The following CD5 variants were observed in gnomAD, a reference collection of about 807,000 sequenced individuals.
The protein encoded by CD5 is T-cell surface glycoprotein CD5.
A neutral mutation model predicts 60.3 loss-of-function variants in CD5; 36 were observed. The ratio of observed to expected loss-of-function variants is 0.60; its 90% CI spans 0.46 to 0.79. The LOEUF is 0.79. Among genes scored for constraint, CD5 ranks in the 30% least tolerant of loss-of-function variants. CD5 has a pLI of 0.00. For synonymous variants in CD5, 230 were observed against 257.6 expected (o/e 0.89, Z 1.03); for missense variants, 540 against 630.6 (o/e 0.86, Z 1.54).
intron 5 of CD5, among the ~76,000 whole-genome samples, chr11:61,120,021 T>G: frequency 6.6e-6 from 1 of 151,150 alleles, no homozygotes; most frequent in East Asian, 1.9e-4. Flanking sequence ...AGGTGGGAGG[T>G]CCCTGAGGCC....
At chr11:61,114,976 C>T (rs949041756) in intron 1 of CD5, 80 bp from the exon 2 acceptor site, 16 of 1,384,192 alleles carry the variant, frequency 1.2e-5, no homozygotes, top group Middle Eastern at 1.8e-4. Context: ...GGCCATTGCT[C>T]GGGCTGTGGG....
Position 61,123,518 on chromosome 11 carries a change from A to T in CD5, c.1226-366A>T, listed in dbSNP as rs140878472. Among the ~76,000 whole-genome samples the T allele has an allele frequency of 1.0e-3, 157 of 152,296 alleles. 1 individual carries two copies. Among genetic ancestry groups the T allele is most frequent in the Middle Eastern group, 0.01 (3 of 294 alleles). ...CTTGCCTTGCAGAACTTAAGAGGAAATTATTCAGACAAAGAAGTGAGAGGG... is the reference window on the plus strand; with the variant it reads ...CTTGCCTTGCAGAACTTAAGAGGAATTTATTCAGACAAAGAAGTGAGAGGG... On this transcript the variant is annotated intron_variant, in intron 7 of 10. Coordinates refer to ENST00000347785, the MANE Select transcript of CD5 (RefSeq NM_014207.4).
upstream of CD5, chr11:61,102,468 G>A (rs1315402749): frequency 2.5e-5 from 5 of 201,840 alleles, no homozygotes; most frequent in Admixed American, 1.2e-4. Flanking sequence ...ACGCCACCCC[G>A]CCCTCTCCCT....
intron 1 of CD5, among the ~76,000 whole-genome samples, chr11:61,106,397 G>C (rs1860779832): frequency 6.6e-6 from 1 of 152,132 alleles, no homozygotes; most frequent in Non-Finnish European, 1.5e-5. Context: ...CAAGGGGGAA[G>C]GACAGGCCTG....
chr11:61,118,506 C>T lies in CD5; in HGVS notation c.400+26C>T, dbSNP rs534343338. 15 of 1,603,756 alleles carry T rather than the reference C, an allele frequency of 9.4e-6. No individual in the cohort carries two copies. The East Asian group carries it at 2.5e-4, about 26-fold the overall frequency. On this transcript the variant is annotated intron_variant, in intron 3 of 10. Transcript: ENST00000347785. This position sits in a 1 kb window ranked among gnomAD's most constrained non-coding sequence, Gnocchi z 4.7. ...GTGGGTAACTAGCCAGCCACACGGG[C>T]ACCCTGGGCCTGGGCGCCAGCCCCG...
upstream of CD5, among the ~76,000 whole-genome samples, chr11:61,100,473 A>G (rs564905156): frequency 3.3e-5 from 5 of 149,420 alleles, no homozygotes; most frequent in Admixed American, 3.3e-4. Flanking sequence ...ACACATCAAC[A>G]TGGAGATTAC....
At chr11:61,101,234 G>A (rs1860678340), upstream of CD5, among the ~76,000 whole-genome samples, 1 of 102,274 alleles carries the variant, frequency 9.8e-6, no homozygotes, top group African/African-American at 3.5e-5. Context: ...TCAACATGGA[G>A]ATCACATTCA....
chr11:61,096,714 G>C, the CD5 span, among the ~76,000 whole-genome samples: 1 of 152,186 alleles, frequency 6.6e-6, no homozygotes, highest in African/African-American at 2.4e-5. Flanking sequence ...GGTCCCCCGG[G>C]AAGAAGAATG....
rs1392094869 is a variant in CD5, at chr11:61,121,889, A to G, written c.1084A>G (p.Lys362Glu). 3 of 1,548,040 alleles carry G rather than the reference A, an allele frequency of 1.9e-6. No individual in the cohort carries two copies. The highest frequency in any genetic ancestry group is 3.6e-5 in the Admixed American group (2 of 55,484). ...ELWERNSYCK[K>E]VFVTCQDPNP... is the part of the protein sequence containing the mutation. ...TTGGGAGAGAAATTCCTACTGCAAG[A>G]AGGTGTTTGTCACATGTGAGTTGGC... Residue 362 changes from lysine (K) to glutamate (E), a missense_variant, in exon 6 of 11, where the codon AAG (lysine) becomes GAG (glutamate). Transcript: ENST00000347785.
At chr11:61,102,980 C>T (rs1860721907) in intron 1 of CD5, among the ~76,000 whole-genome samples, 1 of 152,220 alleles carries the variant, frequency 6.6e-6, no homozygotes, top group Admixed American at 6.5e-5. Flanking sequence ...TGCGAGGTCC[C>T]CCACTGACAG....
upstream of CD5, among the ~76,000 whole-genome samples, chr11:61,100,930 ACAT>A (rs1168327632): frequency 1.4e-5 from 2 of 145,310 alleles, no homozygotes; most frequent in African/African-American, 5.2e-5. Flanking sequence ...TCACACACAC[ACAT>A]CAACATGGAG....
chr11:61,120,811 C>T (rs936888095), intron 5 of CD5, among the ~76,000 whole-genome samples: 9 of 152,208 alleles, frequency 5.9e-5, no homozygotes, highest in African/African-American at 1.4e-4. Flanking sequence ...CAGGGGCTGG[C>T]TCGCAGTCCC....
chr11:61,108,299 G>A (rs776913721), intron 1 of CD5, among the ~76,000 whole-genome samples: 1 of 152,150 alleles, frequency 6.6e-6, no homozygotes, highest in Non-Finnish European at 1.5e-5. Context: ...AACAGCAAAG[G>A]TCATTCTGCC....
rs748224538 is a variant in CD5, at chr11:61,116,853, ACAC to A, written c.95-1321_95-1319del. ...ACACACAACACACACACCACCACAC[ACAC>A]ATCACACACACCACACACACTACAC... On this transcript the variant is annotated intron_variant, in intron 2 of 10. Coordinates refer to ENST00000347785, the MANE Select transcript of CD5 (RefSeq NM_014207.4). Among the ~76,000 whole-genome samples, 244 of 149,172 alleles carry A rather than the reference ACAC, an allele frequency of 1.6e-3. 1 individual carries two copies. The highest frequency in any genetic ancestry group is 1.9e-3 in the Non-Finnish European group (127 of 67,172).
chr11:61,104,079 TGA>T (rs1860743663), intron 1 of CD5, among the ~76,000 whole-genome samples: 1 of 137,944 alleles, frequency 7.2e-6, no homozygotes, highest in East Asian at 2.1e-4. Context: ...AGTCTGTGTG[TGA>T]GTCTCTGGGC....
intron 1 of CD5, among the ~76,000 whole-genome samples, chr11:61,114,142 T>G (rs763641117): frequency 2.0e-5 from 3 of 152,124 alleles, no homozygotes; most frequent in Admixed American, 6.6e-5. Flanking sequence ...AAACAGGGTC[T>G]TACTCTGTCA....
At chr11:61,117,075 G>A (rs757227723) in intron 2 of CD5, among the ~76,000 whole-genome samples, 6 of 152,198 alleles carry the variant, frequency 3.9e-5, no homozygotes, top group Admixed American at 6.5e-5. Flanking sequence ...GGCAAAACCC[G>A]GAAACAAATC....
Position 61,125,758 on chromosome 11 carries a change from A to G in CD5, c.1407A>G (p.Glu469=), listed in dbSNP as rs768180069. Residue 469 remains glutamate, a synonymous_variant, in exon 10 of 11, where the codon GAA becomes GAG. Coordinates refer to ENST00000347785, the MANE Select transcript of CD5 (RefSeq NM_014207.4). ...NSHLSAYPAL[E]GALHRSSMQP... is the part of the protein sequence containing the mutation. Reference sequence around the variant, plus strand: ...CGTCCTTTCTTTCCCCAGCTCTGGAAGGGGCTCTGCATCGCTCCTCCATGC... The same window carrying G: ...CGTCCTTTCTTTCCCCAGCTCTGGAGGGGGCTCTGCATCGCTCCTCCATGC... The G allele has an allele frequency of 6.2e-7, 1 of 1,610,426 alleles. No homozygotes were observed. Among genetic ancestry groups the G allele is most frequent in the Non-Finnish European group, 8.5e-7 (1 of 1,177,518 alleles).
At chr11:61,112,599 A>T (rs1295780815) in intron 1 of CD5, among the ~76,000 whole-genome samples, 2 of 152,102 alleles carry the variant, frequency 1.3e-5, no homozygotes, top group Non-Finnish European at 2.9e-5. Flanking sequence ...AGCCAAGATC[A>T]TGCCACTGCA....
Sources: allele counts gnomAD v4.1 joint callset (sites outside exome capture counted in the v4.1 genomes callset), GRCh38; gene constraint gnomAD v4.1.1; non-coding constraint Gnocchi (gnomAD v3.1); transcripts MANE v1.5; gene names NCBI Gene and HGNC (gene_info 2026-07-23, HGNC 2026-07-21).